Variants in ARID1A observed in about 807,000 individuals in gnomAD.
The protein encoded by ARID1A is AT-rich interaction domain 1A, also known as AT-rich interactive domain-containing protein 1A.
A neutral mutation model predicts 212.6 loss-of-function variants in ARID1A; 20 were observed. The observed-to-expected ratio is 0.09, with a 90% CI of 0.07 to 0.14. The LOEUF is 0.14. ARID1A is among the 10% of genes least tolerant of loss of function. The pLI is 1.00. For synonymous variants in ARID1A, 1,376 were observed against 1,222.1 expected, an observed-to-expected ratio of 1.13 and a Z score of -2.63; for missense variants, 2,587 against 3,059.0, an observed-to-expected ratio of 0.85 and a Z score of 3.64.
intron 1 of ARID1A, among the ~76,000 whole-genome samples, chr1:26,727,015 G>A (rs1360656093): frequency 6.6e-6 from 1 of 152,236 alleles, no homozygotes; most frequent in East Asian, 1.9e-4. Flanking sequence ...CAGTATGTGG[G>A]GAATCTTGGA....
At chr1:26,729,901 G>C (rs758139319) in intron 2 of ARID1A, 38 bp downstream of exon 2, 3 of 1,596,506 alleles carry the variant, frequency 1.9e-6, no homozygotes, top group Non-Finnish European at 2.6e-6. Context: ...CCTTGTTGCT[G>C]TCCAAAATCT....
At chr1:26,723,402 G>T (rs964501590) in intron 1 of ARID1A, among the ~76,000 whole-genome samples, 3 of 152,192 alleles carry the variant, frequency 2.0e-5, no homozygotes, top group Non-Finnish European at 4.4e-5. Flanking sequence ...ACAGGAAGCG[G>T]AGGACGGGGT....
chr1:26,723,229 T>TA (rs1278652388), intron 1 of ARID1A, among the ~76,000 whole-genome samples: 1 of 152,132 alleles, frequency 6.6e-6, no homozygotes, highest in Non-Finnish European at 1.5e-5. Context: ...CCTAAGATAT[T>TA]ACTCCTGAGA....
chr1:26,735,035 G>A lies in ARID1A; in HGVS notation c.1920+2243G>A, dbSNP rs142080213. Among the ~76,000 whole-genome samples, 528 of 151,996 alleles carry A rather than the reference G, an allele frequency of 3.5e-3. 6 individuals carry two copies. Among genetic ancestry groups the A allele is most frequent in the African/African-American group, 0.013 (519 of 41,446 alleles). Reference sequence around the variant, plus strand: ...CTCAGTTATTGATGCCAAGCCATTTGGGTGCTATTATCCTGATCATGTTAT... The same window carrying A: ...CTCAGTTATTGATGCCAAGCCATTTAGGTGCTATTATCCTGATCATGTTAT... On this transcript the variant is annotated intron_variant, in intron 4 of 19. Coordinates refer to ENST00000324856, the MANE Select transcript of ARID1A (RefSeq NM_006015.6).
Position 26,773,511 on chromosome 1 carries a change from A to G in ARID1A, c.3866+15A>G, listed in dbSNP as rs2124111833. ...GACAGAGTGAGGTAAGCATGACCCCAGCTCCTGTCCACTCCCCCAGCACCC... is the reference window on the plus strand; with the variant it reads ...GACAGAGTGAGGTAAGCATGACCCCGGCTCCTGTCCACTCCCCCAGCACCC... On this transcript the variant is annotated intron_variant, in intron 15 of 19. Transcript: ENST00000324856. 6.2e-7 allele frequency: 1 copy of G among 1,612,844 alleles called. No individual in the cohort carries two copies. The highest frequency in any genetic ancestry group is 1.1e-5 in the South Asian group (1 of 90,990).
chr1:26,734,570 C>A (rs1247324077), intron 4 of ARID1A, among the ~76,000 whole-genome samples: 1 of 152,194 alleles, frequency 6.6e-6, no homozygotes, highest in Non-Finnish European at 1.5e-5. Context: ...GTCATTTGCT[C>A]AGTGGTAGAA....
chr1:26,729,963 C>A, intron 2 of ARID1A, 100 bp downstream of exon 2: 1 of 1,399,636 alleles, frequency 7.1e-7, no homozygotes, highest in Non-Finnish European at 9.9e-7. Context: ...AGCCTCTTGA[C>A]AGGAATGTAG....
chr1:26,760,819 A>G (rs1570602259), intron 4 of ARID1A, 37 bp from the exon 5 acceptor site: 3 of 1,575,426 alleles, frequency 1.9e-6, no homozygotes, highest in Admixed American at 1.7e-5. Context: ...CTTTCTGCCT[A>G]ATATTACTAA....
At chr1:26,701,265 T>C (rs1447492593) in intron 1 of ARID1A, among the ~76,000 whole-genome samples, 3 of 152,200 alleles carry the variant, frequency 2.0e-5, no homozygotes, top group Non-Finnish European at 4.4e-5. Flanking sequence ...CTTGTAAATA[T>C]GGTAAAAATG....
Position 26,757,157 on chromosome 1 carries a change from G to A in ARID1A, c.1921-3699G>A, listed in dbSNP as rs542714226. ...TTGAACCTGGGAGGTGGAGGTTGCAGTGAGCTGAGATCATGCCACTGCACT... is the reference window on the plus strand; with the variant it reads ...TTGAACCTGGGAGGTGGAGGTTGCAATGAGCTGAGATCATGCCACTGCACT... On this transcript the variant is annotated intron_variant, in intron 4 of 19. Coordinates refer to ENST00000324856, the MANE Select transcript of ARID1A (RefSeq NM_006015.6). Among the ~76,000 whole-genome samples the A allele has an allele frequency of 1.6e-3, 243 of 151,616 alleles. 1 individual carries two copies. Among genetic ancestry groups the A allele is most frequent in the Middle Eastern group, 3.4e-3 (1 of 294 alleles).
intron 4 of ARID1A, among the ~76,000 whole-genome samples, chr1:26,748,818 G>A (rs2080860066): frequency 6.6e-6 from 1 of 151,982 alleles, no homozygotes. Flanking sequence ...CCAGTTAGCG[G>A]CCTATGGGAG....
At chr1:26,709,080 A>G (rs2080423827) in intron 1 of ARID1A, among the ~76,000 whole-genome samples, 1 of 152,218 alleles carries the variant, frequency 6.6e-6, no homozygotes, top group African/African-American at 2.4e-5. Flanking sequence ...AGTCATCTCT[A>G]AAACCTAGGT....
Position 26,762,961 on chromosome 1 carries a change from C to T in ARID1A, c.2420-12C>T, listed in dbSNP as rs1180419163. On this transcript the variant is annotated splice_polypyrimidine_tract_variant and intron_variant, in intron 7 of 19. Transcript: ENST00000324856. ...GAGTGACTAACCAAGTCTTGTCTTCCTCCCCTCCCAGGTGGCTACCCCAGG... is the reference window on the plus strand; with the variant it reads ...GAGTGACTAACCAAGTCTTGTCTTCTTCCCCTCCCAGGTGGCTACCCCAGG... 2 of 1,568,988 alleles carry T rather than the reference C, an allele frequency of 1.3e-6. No individual in the cohort carries two copies. Among genetic ancestry groups the T allele is most frequent in the South Asian group, 2.3e-5 (2 of 86,636 alleles).
In ARID1A at chr1:26,696,281, C is replaced by T; in HGVS notation, c.-123C>T. On this transcript the variant is annotated 5_prime_UTR_variant, in exon 1 of 20. Transcript: ENST00000324856. ...GCGAGCGCAGCGCAGCAGCGGAGCC[C>T]CGCGAGGCCCGCCCGGGCGGGTGGG... 8.7e-7 allele frequency: 1 copy of T among 1,144,632 alleles called. No homozygotes were observed. Among genetic ancestry groups the T allele is most frequent in the African/African-American group, 1.7e-5 (1 of 60,102 alleles). The allele number at this position is 1,144,632 out of a possible 1,614,324, so 70.9% of individuals were successfully genotyped here. A position where few individuals can be genotyped will look rare whatever the true frequency, so the allele number is the denominator to read the frequency against.
intron 1 of ARID1A, chr1:26,727,789 T>C (rs1364056289): frequency 6.6e-6 from 1 of 152,158 alleles, no homozygotes; most frequent in African/African-American, 2.4e-5. Context: ...CAAAATAGTC[T>C]CTCCAGTTGG....
chr1:26,698,751 TGGTTGCTTTG>T (rs2080303997), intron 1 of ARID1A, among the ~76,000 whole-genome samples: 1 of 152,210 alleles, frequency 6.6e-6, no homozygotes, highest in Non-Finnish European at 1.5e-5. Flanking sequence ...ATTTTGACAC[TGGTTGCTTTG>T]CAGAATTGAA....
intron 1 of ARID1A, among the ~76,000 whole-genome samples, chr1:26,716,227 G>T: frequency 6.7e-6 from 1 of 148,182 alleles, no homozygotes; most frequent in African/African-American, 2.5e-5. Context: ...AAAAGAAAAA[G>T]AAAAAAACCT....
At chr1:26,711,530 G>A (rs964421115) in intron 1 of ARID1A, among the ~76,000 whole-genome samples, 3 of 152,104 alleles carry the variant, frequency 2.0e-5, no homozygotes, top group African/African-American at 4.8e-5. Flanking sequence ...ATACCGTAAC[G>A]TTGGAGGTTA....
At chr1:26,747,579 A>G (rs2080849774) in intron 4 of ARID1A, among the ~76,000 whole-genome samples, 1 of 151,972 alleles carries the variant, frequency 6.6e-6, no homozygotes, top group African/African-American at 2.4e-5. Context: ...GTGGTGGCTT[A>G]CACCTGTAAT....
Sources: gnomAD v4.1 joint callset for allele counts (sites outside exome capture counted in the v4.1 genomes callset) on GRCh38, gnomAD v4.1.1 for gene constraint, MANE v1.5 for transcripts, NCBI Gene and HGNC (gene_info 2026-07-23, HGNC 2026-07-21) for gene names.